Variants in FRMD3 observed in about 807,000 individuals in gnomAD.
The protein encoded by FRMD3 is FERM domain containing 3.
FRMD3 carries 33 observed loss-of-function variants against 70.2 expected under a neutral mutation model. That is an observed-to-expected ratio of 0.47 (90% CI 0.36 to 0.63). FRMD3 has a LOEUF of 0.63. Among genes scored for constraint, FRMD3 ranks in the 20% least tolerant of loss-of-function variants. The pLI, the probability that FRMD3 is intolerant of heterozygous loss-of-function variation, is 0.00. For missense variants in FRMD3, 632 were observed against 711.4 expected (o/e 0.89, Z 1.27); for synonymous variants, 279 against 255.9 (o/e 1.09, Z -0.86).
chr9:83,536,930 T>TAAAAAAAAACAAAAAAAAAAAAAAA (rs1829905367), intron 1 of FRMD3, among the ~76,000 whole-genome samples: 2 of 60,894 alleles, frequency 3.3e-5, no homozygotes, highest in Non-Finnish European at 6.5e-5. Flanking sequence ...TGTATTACAC[T>TAAAAAAAAACAAAAAAAAAAAAAAA]AAAAAAAAAA....
At chr9:83,405,366 T>C (rs896666147) in intron 1 of FRMD3, among the ~76,000 whole-genome samples, 6 of 152,100 alleles carry the variant, frequency 3.9e-5, no homozygotes, top group Non-Finnish European at 7.4e-5. Flanking sequence ...TCCCAGGGCT[T>C]ACAGTGATCC....
chr9:83,340,075 G>A lies in FRMD3; in HGVS notation c.472+3115C>T, dbSNP rs905511624. On this transcript the variant is annotated intron_variant, in intron 5 of 13. Coordinates refer to ENST00000304195, the MANE Select transcript of FRMD3 (RefSeq NM_174938.6). ...AGTCAATCAAGCCAGGTGTGGTGGTGCACACCTGTAATCCCAGTTACTTGG... is the reference window on the plus strand; with the variant it reads ...AGTCAATCAAGCCAGGTGTGGTGGTACACACCTGTAATCCCAGTTACTTGG... 3.9e-5 allele frequency among the ~76,000 whole-genome samples: 6 copies of A among 152,044 alleles called. 1 individual carries two copies. The highest frequency in any genetic ancestry group is 3.9e-4 in the East Asian group (2 of 5,168).
chr9:83,332,753 C>T (rs1200557459), intron 6 of FRMD3, among the ~76,000 whole-genome samples: 2 of 152,132 alleles, frequency 1.3e-5, no homozygotes, highest in African/African-American at 4.8e-5. Flanking sequence ...TCCCTCAAAC[C>T]CCAACAAAAG....
At chr9:83,366,559 G>A (rs1824792888) in intron 3 of FRMD3, among the ~76,000 whole-genome samples, 1 of 151,732 alleles carries the variant, frequency 6.6e-6, no homozygotes, top group Non-Finnish European at 1.5e-5. Context: ...GGCAACAAGA[G>A]CAAATCTCTG....
the FRMD3 span, among the ~76,000 whole-genome samples, chr9:83,550,769 T>C: frequency 7.3e-5 from 11 of 151,612 alleles, no homozygotes; most frequent in Non-Finnish European, 1.2e-4. Context: ...CTGATTTGGC[T>C]CTCAGTTTGG....
chr9:83,539,612 C>T (rs1158345094), upstream of FRMD3, among the ~76,000 whole-genome samples: 1 of 152,128 alleles, frequency 6.6e-6, no homozygotes, highest in Non-Finnish European at 1.5e-5. Flanking sequence ...ATTTTACCTG[C>T]CCTGGACAGT....
chr9:83,513,809 A>T (rs2131534168), intron 1 of FRMD3, among the ~76,000 whole-genome samples: 1 of 152,254 alleles, frequency 6.6e-6, no homozygotes, highest in Non-Finnish European at 1.5e-5. Context: ...CAGCCCACAG[A>T]AGGTGAGCAG....
chr9:83,243,191 G>A, downstream of FRMD3: 1 of 1,550,096 alleles, frequency 6.5e-7, no homozygotes, highest in South Asian at 1.2e-5. Context: ...GGCAGGTTCT[G>A]CTGGGTCTGT....
chr9:83,481,719 G>C lies in FRMD3; in HGVS notation c.147+56366C>G, dbSNP rs1828570681. On this transcript the variant is annotated intron_variant, in intron 1 of 13. Coordinates refer to ENST00000304195, the MANE Select transcript of FRMD3 (RefSeq NM_174938.6). ...CTATGGGACATTCAAATGTAACATG[G>C]AAAAGAGGGGTCACCAAACTAATAA... 2.0e-5 allele frequency among the ~76,000 whole-genome samples: 3 copies of C among 152,054 alleles called. No individual in the cohort carries two copies. In the South Asian group the frequency reaches 6.2e-4, roughly 32 times the overall value.
At chr9:83,343,140 C>A in intron 5 of FRMD3, 50 bp downstream of exon 5, 9 of 1,312,078 alleles carry the variant, frequency 6.9e-6, no homozygotes, top group Non-Finnish European at 9.9e-6. Context: ...TTGAAACAGC[C>A]AGAGCTCCAC....
chr9:83,349,750 T>C lies in FRMD3; in HGVS notation c.303A>G (p.Pro101=), dbSNP rs1391065620. 51 of 1,609,538 alleles carry C rather than the reference T, an allele frequency of 3.2e-5. No individual in the cohort carries two copies. Among genetic ancestry groups the C allele is most frequent in the Admixed American group, 5.0e-5 (3 of 59,842 alleles). The part of the protein sequence containing the change: ...KSIFKQMKTH[P]PYTMCFRVKF... ...TCACTCTAAAGCACATGGTGTATGG[T>C]GGATGAGCTGAAACATCATAAAGAA... The change falls in exon 4 of 14, where the codon CCA becomes CCG. Residue 101 remains proline, a synonymous_variant. Transcript: ENST00000304195.
At chr9:83,358,809 C>T (rs889592860) in intron 3 of FRMD3, among the ~76,000 whole-genome samples, 3 of 151,954 alleles carry the variant, frequency 2.0e-5, no homozygotes, top group Admixed American at 6.6e-5. Flanking sequence ...CACAGTGATG[C>T]CAATGGATTC....
chr9:83,337,305 G>C (rs2131146126), intron 5 of FRMD3, among the ~76,000 whole-genome samples: 1 of 152,146 alleles, frequency 6.6e-6, no homozygotes, highest in East Asian at 1.9e-4. Flanking sequence ...CCCTTTGTGA[G>C]AAATAAAGCT....
chr9:83,390,973 G>A (rs1825650061), intron 1 of FRMD3, among the ~76,000 whole-genome samples: 1 of 152,170 alleles, frequency 6.6e-6, no homozygotes, highest in Non-Finnish European at 1.5e-5. Flanking sequence ...GACTACTCAA[G>A]ACCTTGAGAG....
chr9:83,539,513 T>C (rs1236130951), upstream of FRMD3, among the ~76,000 whole-genome samples: 1 of 152,200 alleles, frequency 6.6e-6, no homozygotes, highest in Non-Finnish European at 1.5e-5. Context: ...GTTGACCAGC[T>C]GTCAGCTTTT....
At position 83,256,750 on chromosome 9, in the gene FRMD3, CAT is replaced by C. The variant is rs373256088; in HGVS notation, c.1196-8236_1196-8235del. On this transcript the variant is annotated intron_variant, in intron 13 of 13. Coordinates refer to ENST00000304195, the MANE Select transcript of FRMD3 (RefSeq NM_174938.6). ...AGAAGACATGCATGTGGCCAACAAA[CAT>C]ATGAAAAAAAAAGCTCAACATCCCT... 2.8e-3 allele frequency among the ~76,000 whole-genome samples: 421 copies of C among 151,590 alleles called. 3 individuals are homozygous for C. The highest frequency in any genetic ancestry group is 9.7e-3 in the African/African-American group (402 of 41,362).
intron 1 of FRMD3, among the ~76,000 whole-genome samples, chr9:83,413,001 A>T (rs35557624): frequency 3.7e-4 from 57 of 152,214 alleles, no homozygotes; most frequent in Non-Finnish European, 7.5e-4. Context: ...CAAAAAAAAT[A>T]AAAAAAGGAG....
At chr9:83,420,227 A>G (rs775433297) in intron 1 of FRMD3, among the ~76,000 whole-genome samples, 3 of 152,190 alleles carry the variant, frequency 2.0e-5, no homozygotes, top group Non-Finnish European at 2.9e-5. Context: ...GATGATAGAA[A>G]GTGGGAAAGT....
rs185013736 is a variant in FRMD3, at chr9:83,302,896, C to T, written c.927-3710G>A. On this transcript the variant is annotated intron_variant, in intron 10 of 13. Transcript: ENST00000304195. The stretch of plus-strand genomic sequence containing the variant: ...ACAGCCTTCTGCCTTCCTTTCCACC[C>T]GCCGTCTCCCACTTCAACTTCCAAC... 4.9e-4 allele frequency among the ~76,000 whole-genome samples: 75 copies of T among 152,280 alleles called. 1 individual carries two copies. The East Asian group carries it at 0.012, about 24-fold the overall frequency.
Sources: allele counts gnomAD v4.1 joint callset (sites outside exome capture counted in the v4.1 genomes callset), GRCh38; gene constraint gnomAD v4.1.1; transcripts MANE v1.5; gene names NCBI Gene and HGNC (gene_info 2026-07-23, HGNC 2026-07-21).